Variants in AGBL4 observed in about 807,000 individuals in gnomAD.
The protein encoded by AGBL4 is cytosolic carboxypeptidase 6.
Under a neutral mutation model 66.4 loss-of-function variants are expected in AGBL4, and 58 were observed. The ratio of observed to expected loss-of-function variants is 0.87; its 90% CI spans 0.71 to 1.09. AGBL4 has a LOEUF of 1.09. Ranked by LOEUF, AGBL4 falls within the 50% of genes least tolerant of loss-of-function variation. AGBL4 has a pLI of 0.00. For synonymous variants in AGBL4, 234 were observed against 222.9 expected (o/e 1.05, Z -0.44); for missense variants, 579 against 631.0 (o/e 0.92, Z 0.88).
intron 1 of AGBL4, among the ~76,000 whole-genome samples, chr1:49,938,093 C>G (rs746182693): frequency 6.7e-6 from 1 of 148,914 alleles, no homozygotes; most frequent in Non-Finnish European, 1.5e-5. Context: ...AGTGATAGAC[C>G]GCTAGCAAGA....
chr1:49,604,675 G>A (rs1335978371), intron 3 of AGBL4, among the ~76,000 whole-genome samples: 1 of 152,066 alleles, frequency 6.6e-6, no homozygotes, highest in African/African-American at 2.4e-5. Flanking sequence ...CAAAATATAT[G>A]TAAGAGTTGC....
At chr1:49,063,381 A>G (rs1008956711) in intron 4 of AGBL4, among the ~76,000 whole-genome samples, 6 of 152,194 alleles carry the variant, frequency 3.9e-5, no homozygotes, top group Non-Finnish European at 8.8e-5. Context: ...AAAACATGGC[A>G]AAGAGGTCGG....
At chr1:48,945,073 G>C (rs1464107010) in intron 5 of AGBL4, among the ~76,000 whole-genome samples, 2 of 152,116 alleles carry the variant, frequency 1.3e-5, no homozygotes, top group Admixed American at 6.5e-5. Flanking sequence ...CTTGAGAGTG[G>C]AGAGGCACTG....
intron 1 of AGBL4, among the ~76,000 whole-genome samples, chr1:49,969,140 A>G (rs1657829807): frequency 6.6e-6 from 1 of 152,168 alleles, no homozygotes; most frequent in Non-Finnish European, 1.5e-5. Flanking sequence ...AATAGGAAAG[A>G]GGCTGACAAG....
chr1:48,586,929 A>C (rs755331792), intron 11 of AGBL4, 75 bp downstream of exon 11: 2 of 1,589,724 alleles, frequency 1.3e-6, no homozygotes, highest in Non-Finnish European at 8.6e-7. Context: ...TGGGGGCCTA[A>C]TTCCTGACCT....
chr1:48,658,251 C>A (rs1383454104), intron 7 of AGBL4, among the ~76,000 whole-genome samples: 1 of 152,212 alleles, frequency 6.6e-6, no homozygotes, highest in Non-Finnish European at 1.5e-5. Context: ...AGGAGTCTAT[C>A]TGCATGTGAT....
chr1:49,948,420 TATAG>T (rs1306642718), intron 1 of AGBL4, among the ~76,000 whole-genome samples: 10 of 110,862 alleles, frequency 9.0e-5, no homozygotes, highest in Non-Finnish European at 1.3e-4. Context: ...TATAGATAAA[TATAG>T]ATAAATATAT....
intron 2 of AGBL4, among the ~76,000 whole-genome samples, chr1:49,835,605 C>A (rs560555118): frequency 9.2e-5 from 14 of 152,284 alleles, no homozygotes; most frequent in African/African-American, 3.4e-4. Flanking sequence ...TGAGGTTGAT[C>A]CTGTCATTAT....
chr1:49,780,975 A>T (rs1378631705), intron 2 of AGBL4, among the ~76,000 whole-genome samples: 1 of 152,194 alleles, frequency 6.6e-6, no homozygotes, highest in East Asian at 1.9e-4. Flanking sequence ...CTCTACAGGA[A>T]ACATCTCCCT....
At chr1:48,660,985 C>G (rs1646097729) in intron 7 of AGBL4, among the ~76,000 whole-genome samples, 2 of 152,170 alleles carry the variant, frequency 1.3e-5, no homozygotes, top group South Asian at 4.1e-4. Flanking sequence ...CCTGAGGCTC[C>G]TCTTTCTGAG....
chr1:49,626,314 A>G (rs1428603571), intron 3 of AGBL4, among the ~76,000 whole-genome samples: 1 of 152,158 alleles, frequency 6.6e-6, no homozygotes, highest in African/African-American at 2.4e-5. Flanking sequence ...CAGATCCAGT[A>G]GTGACAAGAC....
In AGBL4 at chr1:49,424,242, G is replaced by A. The variant is rs138491991; in HGVS notation, c.283-178378C>T. On this transcript the variant is annotated intron_variant, in intron 3 of 13. Transcript: ENST00000371839. ...GATAGAGTCTGTCTATGCTTATGACGAAACAAACAAAGAAACAAACAGTTA... is the reference window on the plus strand; with the variant it reads ...GATAGAGTCTGTCTATGCTTATGACAAAACAAACAAAGAAACAAACAGTTA... Among the ~76,000 whole-genome samples, 1,331 of 152,164 alleles carry A rather than the reference G, an allele frequency of 8.7e-3. 12 individuals carry two copies. The highest frequency in any genetic ancestry group is 0.014 in the Non-Finnish European group (948 of 67,990).
intron 1 of AGBL4, among the ~76,000 whole-genome samples, chr1:49,929,669 A>T (rs1653138161): frequency 6.6e-6 from 1 of 152,110 alleles, no homozygotes; most frequent in South Asian, 2.1e-4. Flanking sequence ...AGCAGAAAAA[A>T]AAAAGATTCC....
intron 3 of AGBL4, among the ~76,000 whole-genome samples, chr1:49,582,077 T>C (rs561310976): frequency 6.6e-6 from 1 of 152,280 alleles, no homozygotes; most frequent in South Asian, 2.1e-4. Flanking sequence ...GCTTGACTTT[T>C]GTTCCCCAGG....
At chr1:48,865,816 G>A (rs1287475517) in intron 6 of AGBL4, among the ~76,000 whole-genome samples, 1 of 152,088 alleles carries the variant, frequency 6.6e-6, no homozygotes, top group East Asian at 1.9e-4. Flanking sequence ...TTGTGGAGTA[G>A]AACAGGATGC....
chr1:49,431,386 T>C lies in AGBL4; in HGVS notation c.283-185522A>G, dbSNP rs74077151. Among the ~76,000 whole-genome samples the C allele has an allele frequency of 9.3e-3, 1,414 of 152,316 alleles. 17 individuals are homozygous for C. Among genetic ancestry groups the C allele is most frequent in the African/African-American group, 0.032 (1,325 of 41,562 alleles). On this transcript the variant is annotated intron_variant, in intron 3 of 13. Coordinates refer to ENST00000371839, the MANE Select transcript of AGBL4 (RefSeq NM_032785.4). ...ACATCTTTGATTAGATGAAATCAAA[T>C]ATCTACTGGGAACTGTATTTATAAT...
chr1:49,893,589 C>T (rs1388718885), intron 1 of AGBL4, among the ~76,000 whole-genome samples: 1 of 152,178 alleles, frequency 6.6e-6, no homozygotes, highest in Non-Finnish European at 1.5e-5. Context: ...CCTGACAGTA[C>T]TCCCTGCGAG....
At chr1:49,440,320 T>C (rs980057946) in intron 3 of AGBL4, among the ~76,000 whole-genome samples, 2 of 152,096 alleles carry the variant, frequency 1.3e-5, no homozygotes, top group African/African-American at 4.8e-5. Context: ...CACCTGCCTC[T>C]GCCTCCCAAA....
Position 49,272,264 on chromosome 1 carries a change from C to A in AGBL4, c.283-26400G>T, listed in dbSNP as rs568811840. Among the ~76,000 whole-genome samples, 31 of 152,234 alleles carry A rather than the reference C, an allele frequency of 2.0e-4. No homozygotes were observed. In the East Asian group the frequency reaches 5.6e-3, roughly 28 times the overall value. On this transcript the variant is annotated intron_variant, in intron 3 of 13. Coordinates refer to ENST00000371839, the MANE Select transcript of AGBL4 (RefSeq NM_032785.4). ...TCCTTGATTTTAAAAAATCTAAATT[C>A]TCTGCCTCCTAGCTGTGTCTACTTT...
Sources: gnomAD v4.1 joint callset for allele counts (sites outside exome capture counted in the v4.1 genomes callset) on GRCh38, gnomAD v4.1.1 for gene constraint, MANE v1.5 for transcripts, NCBI Gene and HGNC (gene_info 2026-07-23, HGNC 2026-07-21) for gene names.